TP53I13: variants seen among roughly 807,000 people sequenced by gnomAD.
The protein encoded by TP53I13 is tumor protein p53-inducible protein 13.
TP53I13 carries 27 observed loss-of-function variants against 39.1 expected under a neutral mutation model. The ratio of observed to expected loss-of-function variants is 0.69; its 90% CI spans 0.51 to 0.95. The LOEUF is 0.95. TP53I13 is among the 40% of genes least tolerant of loss of function. The probability of loss-of-function intolerance (pLI) is 0.00; values close to 1 mark genes in which losing one functional copy is unlikely to be tolerated. For missense variants in TP53I13, 544 were observed against 520.4 expected, an observed-to-expected ratio of 1.05 and a Z score of -0.44; for synonymous variants, 230 against 224.6, an observed-to-expected ratio of 1.02 and a Z score of -0.22.
Position 29,568,862 on chromosome 17 carries a change from C to T in TP53I13, c.72+32C>T. ...TGACCCGCTCCTGGGAAGGCCTCGG[C>T]CCGCGAGCTCAAAGCGCTTTGCCAA... On this transcript the variant is annotated intron_variant, in intron 1 of 6. Transcript: ENST00000301057. The surrounding 1 kb of genome is among the most constrained non-coding windows in gnomAD (Gnocchi z 4.5). 6.3e-7 allele frequency: 1 copy of T among 1,599,550 alleles called. No individual in the cohort carries two copies. Among genetic ancestry groups the T allele is most frequent in the Non-Finnish European group, 8.5e-7 (1 of 1,179,058 alleles).
intron 3 of TP53I13, chr17:29,571,198 C>T: frequency 5.1e-6 from 1 of 194,286 alleles, no homozygotes; most frequent in South Asian, 1.2e-4. Context: ...CCTGCCTGCC[C>T]TGTATTTGGA....
chr17:29,571,833 T>C (rs1236830562), intron 4 of TP53I13, 24 bp from the exon 5 acceptor site: 1 of 1,613,210 alleles, frequency 6.2e-7, no homozygotes, highest in East Asian at 2.2e-5. Context: ...TCCTCGTAGC[T>C]CTAACAGTTA....
chr17:29,576,269 C>G, downstream of TP53I13: 5 of 1,610,236 alleles, frequency 3.1e-6, no homozygotes, highest in Middle Eastern at 1.7e-4. Flanking sequence ...CCCAGGGGGG[C>G]CCCCAAAGGG....
the TP53I13 span, among the ~76,000 whole-genome samples, chr17:29,579,521 G>A: frequency 2.0e-5 from 3 of 152,184 alleles, no homozygotes; most frequent in Admixed American, 1.3e-4. Context: ...CAAGGTGGGA[G>A]GTTCGCTTGA....
At chr17:29,579,039 T>C in the TP53I13 span, 4 of 1,576,344 alleles carry the variant, frequency 2.5e-6, no homozygotes, top group East Asian at 4.5e-5. Flanking sequence ...AGGCGGCAGT[T>C]ACCCAGGAGC....
At chr17:29,567,025 C>T, upstream of TP53I13, 1 of 1,219,970 alleles carries the variant, frequency 8.2e-7, no homozygotes, top group Non-Finnish European at 1.0e-6. This position sits in a 1 kb window ranked among gnomAD's most constrained non-coding sequence, Gnocchi z 6.6. Context: ...TCGGCGAGCT[C>T]CGCGCTTTGC....
rs1465526868 is a variant in TP53I13 at position 29,569,082 on chromosome 17, C to T, written c.137C>T (p.Pro46Leu). The change falls in exon 2 of 7, where the codon CCG (proline) becomes CTG (leucine). Residue 46 changes from proline to leucine, a missense_variant. Transcript: ENST00000301057. ...HCPESLWPLP[P>L]QVSPRVTYTR... ...CCCGAGAGCCTGTGGCCTCTGCCTC[C>T]GCAGGTAGGAGCCCTGGAGGGCCCA... 1 of 1,594,758 alleles carries T rather than the reference C, an allele frequency of 6.3e-7. No individual in the cohort carries two copies.
In TP53I13 at chr17:29,572,122, GCTCT is replaced by G; in HGVS notation, c.514-14_514-11del. The G allele has an allele frequency of 6.2e-7, 1 of 1,609,848 alleles. No individual in the cohort carries two copies. Among genetic ancestry groups the G allele is most frequent in the Non-Finnish European group, 8.5e-7 (1 of 1,177,742 alleles). ...CTCTGAGAGGGGCAGCAGGGTGATT[GCTCT>G]CTCTCCTCTCCTTAGGCCCTGGCTC... On this transcript the variant is annotated splice_polypyrimidine_tract_variant and intron_variant, in intron 5 of 6. Transcript: ENST00000301057.
the TP53I13 span, chr17:29,578,342 G>A: frequency 1.2e-6 from 2 of 1,614,160 alleles, no homozygotes; most frequent in Non-Finnish European, 1.7e-6. Context: ...ACACGTCCAT[G>A]GCGAGTTCCT....
the TP53I13 span, chr17:29,578,603 C>T: frequency 1.1e-6 from 1 of 921,208 alleles, no homozygotes; most frequent in Non-Finnish European, 1.8e-6. Context: ...ACTGCTGAGG[C>T]CAGTGAGGGG....
the TP53I13 span, among the ~76,000 whole-genome samples, chr17:29,580,860 A>G: frequency 6.6e-6 from 1 of 150,378 alleles, no homozygotes; most frequent in African/African-American, 2.5e-5. Flanking sequence ...GGCTCACCGC[A>G]ACCTCTACCT....
At chr17:29,574,807 T>C (rs745604727), downstream of TP53I13, 4 of 1,612,186 alleles carry the variant, frequency 2.5e-6, no homozygotes, top group Admixed American at 1.7e-5. Flanking sequence ...GGAAGTCCAC[T>C]GGGGCGCCGG....
chr17:29,572,141 G>A lies in TP53I13; in HGVS notation c.514-1G>A, dbSNP rs1249318447. The A allele has an allele frequency of 6.2e-6, 10 of 1,608,846 alleles. No homozygotes were observed. The African/African-American group carries it at 6.7e-5, about 11-fold the overall frequency. On this transcript the variant is annotated splice_acceptor_variant, in intron 5 of 6. Transcript: ENST00000301057. LOFTEE classifies it high-confidence loss of function. ...GTGATTGCTCTCTCTCCTCTCCTTA[G>A]GCCCTGGCTCTGGCCTTTGCTCTGC... is the stretch of plus-strand genomic sequence containing the variant.
At chr17:29,566,882 A>T (rs1460369059), upstream of TP53I13, 10 of 1,497,078 alleles carry the variant, frequency 6.7e-6, no homozygotes, top group Admixed American at 1.9e-4. Flanking sequence ...GCGCGCCCCC[A>T]GGGTCCCCGG....
At chr17:29,575,035 G>A, downstream of TP53I13, 1 of 1,514,666 alleles carries the variant, frequency 6.6e-7, no homozygotes, top group South Asian at 1.2e-5. The surrounding 1 kb of genome is among the most constrained non-coding windows in gnomAD (Gnocchi z 5.5). Flanking sequence ...GCCTGCCCCA[G>A]CTCGAGGCCC....
rs899259296 is a variant in TP53I13, at chr17:29,571,857, C to T, written c.313C>T (p.Pro105Ser). Residue 105 changes from proline (P) to serine (S), a missense_variant and splice_region_variant, in exon 5 of 7, where the codon CCC (proline) becomes TCC (serine). Transcript: ENST00000301057. ...CTCTAACAGTTACCTCCTCTCGTAG[C>T]CCCTGGTGCTGACTGCATGGGGGCT... Reference protein sequence around the residue: ...TPDFSLTQDRPLVLTAWGLAL... With the variant: ...TPDFSLTQDRSLVLTAWGLAL... The T allele has an allele frequency of 1.2e-6, 2 of 1,613,272 alleles. No homozygotes were observed. Among genetic ancestry groups the T allele is most frequent in the Admixed American group, 1.7e-5 (1 of 60,022 alleles).
At chr17:29,580,095 T>G in the TP53I13 span, among the ~76,000 whole-genome samples, 1 of 152,116 alleles carries the variant, frequency 6.6e-6, no homozygotes, top group Non-Finnish European at 1.5e-5. Context: ...CACTCCCCCA[T>G]GAGGACTAGA....
At chr17:29,581,111 G>A in the TP53I13 span, 1 of 583,656 alleles carries the variant, frequency 1.7e-6, no homozygotes, top group Non-Finnish European at 3.1e-6. This position sits in a 1 kb window ranked among gnomAD's most constrained non-coding sequence, Gnocchi z 4.8. Context: ...AGCCCTCCAT[G>A]TACTTGACAG....
chr17:29,581,151 A>G, the TP53I13 span: 9 of 618,868 alleles, frequency 1.5e-5, no homozygotes, highest in Admixed American at 1.8e-4. This position sits in a 1 kb window ranked among gnomAD's most constrained non-coding sequence, Gnocchi z 4.8. Context: ...CGGGCCACAT[A>G]TGGAGCTGAC....
Sources: allele counts gnomAD v4.1 joint callset (sites outside exome capture counted in the v4.1 genomes callset), GRCh38; gene constraint gnomAD v4.1.1; non-coding constraint Gnocchi (gnomAD v3.1); transcripts MANE v1.5; gene names NCBI Gene and HGNC (gene_info 2026-07-23, HGNC 2026-07-21).